STX18: variants seen among roughly 807,000 people sequenced by gnomAD.
STX18 encodes the protein syntaxin-18.
In STX18, 40 loss-of-function variants were observed where a neutral mutation model predicts 50.1. The observed-to-expected ratio is 0.80, with a 90% CI of 0.62 to 1.04. The LOEUF (loss-of-function observed/expected upper bound fraction) is 1.04, where lower values mean the gene tolerates loss of function less well. STX18 is among the 50% of genes least tolerant of loss of function. STX18 has a pLI of 0.00. For synonymous variants in STX18, 158 were observed against 151.8 expected (o/e 1.04, Z -0.30); for missense variants, 410 against 415.8 (o/e 0.99, Z 0.12).
At chr4:4,444,819 AAACT>A (rs1217476286) in intron 5 of STX18, among the ~76,000 whole-genome samples, 39 of 151,266 alleles carry the variant, frequency 2.6e-4, no homozygotes, top group African/African-American at 8.1e-4. Flanking sequence ...ATATGAAAAC[AAACT>A]AACAAACAAA....
At chr4:4,459,062 G>GCGCACACACACACACACACACACACACA (rs71638564) in intron 3 of STX18, among the ~76,000 whole-genome samples, 2 of 144,282 alleles carry the variant, frequency 1.4e-5, no homozygotes, top group Non-Finnish European at 3.1e-5. Flanking sequence ...ACACACACAC[G>GCGCACACACACACACACACACACACACA]CACACACACA....
chr4:4,537,633 A>C (rs886394618), intron 1 of STX18, among the ~76,000 whole-genome samples: 1 of 152,192 alleles, frequency 6.6e-6, no homozygotes, highest in African/African-American at 2.4e-5. Context: ...TGTTCAGGTT[A>C]ATTTACATTA....
chr4:4,493,636 C>T (rs545458572), intron 1 of STX18, among the ~76,000 whole-genome samples: 39 of 152,188 alleles, frequency 2.6e-4, no homozygotes, highest in Non-Finnish European at 5.1e-4. Context: ...CATGAATTTT[C>T]ACTTTTAATT....
chr4:4,466,993 C>A (rs1225754552), intron 2 of STX18, among the ~76,000 whole-genome samples: 1 of 151,956 alleles, frequency 6.6e-6, no homozygotes, highest in East Asian at 1.9e-4. Context: ...TCCTCTTGCA[C>A]AGAGTCAGTT....
intron 1 of STX18, among the ~76,000 whole-genome samples, chr4:4,497,176 C>T (rs1729217259): frequency 6.6e-6 from 1 of 152,208 alleles, no homozygotes; most frequent in African/African-American, 2.4e-5. Flanking sequence ...AGATGACTCA[C>T]ACACTCCCCA....
At chr4:4,422,292 C>T (rs1443476248) in intron 9 of STX18, among the ~76,000 whole-genome samples, 3 of 152,106 alleles carry the variant, frequency 2.0e-5, no homozygotes, top group Non-Finnish European at 4.4e-5. Context: ...GTGGGCCGGG[C>T]GCAGTGGCTC....
rs141506981 is a variant in STX18 at position 4,457,396 on chromosome 4, T to C, written c.430+27A>G. The stretch of plus-strand genomic sequence containing the variant: ...ATCACATCTATTGTGAAATGTTACA[T>C]TTGACCTTTAAAAGAAAATGAAATA... On this transcript the variant is annotated intron_variant, in intron 4 of 10. Transcript: ENST00000306200. 319 of 1,601,750 alleles carry C rather than the reference T, an allele frequency of 2.0e-4. 1 individual carries two copies. In the East Asian group the frequency reaches 5.2e-3, roughly 26 times the overall value.
At chr4:4,440,892 C>T (rs929941707) in intron 5 of STX18, among the ~76,000 whole-genome samples, 1 of 152,184 alleles carries the variant, frequency 6.6e-6, no homozygotes, top group East Asian at 1.9e-4. Context: ...TTTGGGAACA[C>T]CTTGGCTGGG....
At chr4:4,511,107 C>T (rs1326918429) in intron 1 of STX18, among the ~76,000 whole-genome samples, 1 of 152,138 alleles carries the variant, frequency 6.6e-6, no homozygotes, top group Non-Finnish European at 1.5e-5. Context: ...ACCACCATGG[C>T]ACATGTATAC....
At chr4:4,535,825 C>T (rs1731305863) in intron 1 of STX18, among the ~76,000 whole-genome samples, 1 of 152,214 alleles carries the variant, frequency 6.6e-6, no homozygotes, top group South Asian at 2.1e-4. Context: ...TTGCATGATA[C>T]TGCTTCTTTG....
chr4:4,505,456 G>A (rs1438647542), intron 1 of STX18, among the ~76,000 whole-genome samples: 1 of 152,124 alleles, frequency 6.6e-6, no homozygotes, highest in East Asian at 1.9e-4. Context: ...ACCGCACATT[G>A]CTAGCCTGGG....
chr4:4,518,273 C>A (rs961598254), intron 1 of STX18, among the ~76,000 whole-genome samples: 1 of 152,154 alleles, frequency 6.6e-6, no homozygotes, highest in Non-Finnish European at 1.5e-5. Flanking sequence ...TGACTAAAAG[C>A]ACAGAGAACC....
At chr4:4,504,283 T>G (rs34312376) in intron 1 of STX18, among the ~76,000 whole-genome samples, 4,892 of 152,274 alleles carry the variant, frequency 0.032, 102 homozygotes, top group Middle Eastern at 0.054. Flanking sequence ...AGGGAGTGTT[T>G]TAATCAGGAA....
intron 1 of STX18, among the ~76,000 whole-genome samples, chr4:4,516,081 T>C (rs934340329): frequency 2.0e-5 from 3 of 152,136 alleles, no homozygotes; most frequent in Non-Finnish European, 4.4e-5. Flanking sequence ...CTGTGGTCAA[T>C]TGAGGTCTAG....
chr4:4,459,585 A>C, intron 2 of STX18, 98 bp from the exon 3 acceptor site: 1 of 838,122 alleles, frequency 1.2e-6, no homozygotes, highest in South Asian at 1.5e-5. Context: ...TGATCAGGTG[A>C]CATTTAAGCT....
intron 1 of STX18, among the ~76,000 whole-genome samples, chr4:4,478,237 C>A (rs66516647): frequency 0.23 from 25,483 of 111,958 alleles, 5,881 homozygotes; most frequent in African/African-American, 0.61. Context: ...AAAAAAAAAA[C>A]AAAAACGTTT....
intron 1 of STX18, among the ~76,000 whole-genome samples, chr4:4,514,134 G>C (rs138314055): frequency 6.6e-6 from 1 of 152,278 alleles, no homozygotes; most frequent in East Asian, 1.9e-4. Flanking sequence ...CTTGAAAGTA[G>C]TAAGTATTCA....
chr4:4,524,120 G>T (rs1019833160), intron 1 of STX18, among the ~76,000 whole-genome samples: 4 of 152,218 alleles, frequency 2.6e-5, no homozygotes, highest in African/African-American at 9.6e-5. Flanking sequence ...TAACCTAGTT[G>T]TATGCCTGGC....
At chr4:4,530,183 A>G (rs1731030604) in intron 1 of STX18, among the ~76,000 whole-genome samples, 1 of 152,164 alleles carries the variant, frequency 6.6e-6, no homozygotes, top group African/African-American at 2.4e-5. Flanking sequence ...TGTGCTCATT[A>G]AAGAAATTCT....
Sources: gnomAD v4.1 joint callset for allele counts (sites outside exome capture counted in the v4.1 genomes callset) on GRCh38, gnomAD v4.1.1 for gene constraint, MANE v1.5 for transcripts, NCBI Gene and HGNC (gene_info 2026-07-23, HGNC 2026-07-21) for gene names.